Variants in ANKRD26 observed in about 807,000 individuals in gnomAD.
ANKRD26 encodes the protein ankyrin repeat domain 26.
Under a neutral mutation model 208.7 loss-of-function variants are expected in ANKRD26, and 141 were observed. The observed-to-expected ratio is 0.68, with a 90% CI of 0.59 to 0.78. ANKRD26 has a LOEUF of 0.78. Among genes scored for constraint, ANKRD26 ranks in the 30% least tolerant of loss-of-function variants. The pLI is 0.00. For missense variants in ANKRD26, 1,889 were observed against 1,938.7 expected (o/e 0.97, Z 0.48); for synonymous variants, 636 against 660.4 (o/e 0.96, Z 0.57).
chr10:26,949,230 C>G, the ANKRD26 span, among the ~76,000 whole-genome samples: 1 of 152,148 alleles, frequency 6.6e-6, no homozygotes, highest in East Asian at 1.9e-4. Flanking sequence ...CACCTCCACA[C>G]CCTTCCCCCA....
chr10:27,013,089 C>T lies in ANKRD26; in HGVS notation c.4746G>A (p.Glu1582=). The change falls in exon 32 of 34, where the codon GAG becomes GAA. Residue 1582 remains glutamate, a synonymous_variant. Transcript: ENST00000376087. ...KLTKTNERLA[E]VNTKLLVEKQ... ...TTTCCACAAGAAGTTTGGTGTTGAC[C>T]TCTGCTAGCCTCTCATTAGTTCTGT... 1 of 1,613,790 alleles carries T rather than the reference C, an allele frequency of 6.2e-7. No individual in the cohort carries two copies. Among genetic ancestry groups the T allele is most frequent in the East Asian group, 2.2e-5 (1 of 44,858 alleles).
chr10:26,983,354 A>AGGG (rs2052337068), intron 3 of ANKRD26, among the ~76,000 whole-genome samples: 1 of 152,182 alleles, frequency 6.6e-6, no homozygotes, highest in Non-Finnish European at 1.5e-5. Flanking sequence ...AGCATAACCT[A>AGGG]GGGAACATTG....
Position 27,043,543 on chromosome 10 carries a change from C to G in ANKRD26, c.2044G>C (p.Asp682His), listed in dbSNP as rs755256953. Residue 682 changes from aspartate (D) to histidine (H), a missense_variant, in exon 20 of 34, where the codon GAT (aspartate) becomes CAT (histidine). Around this residue, in one of 3 missense-constraint regions of ANKRD26, gnomAD observed 1,272 missense variants for 1,273.8 expected, o/e 1.00. Transcript: ENST00000376087. ...GACTGAGTTAAGTCATCAACATCAT[C>G]CATAGACTGTATTTGGTTTTTGACC... is the stretch of plus-strand genomic sequence containing the variant. Reference protein sequence around the residue: ...NKVKNQIQSMDDVDDLTQSSE... With the variant: ...NKVKNQIQSMHDVDDLTQSSE... 4 of 1,613,810 alleles carry G rather than the reference C, an allele frequency of 2.5e-6. No individual in the cohort carries two copies. The South Asian group carries it at 4.4e-5, about 18-fold the overall frequency.
the ANKRD26 span, among the ~76,000 whole-genome samples, chr10:26,966,777 G>A: frequency 3.3e-5 from 5 of 152,274 alleles, no homozygotes; most frequent in East Asian, 9.6e-4. Context: ...AAACACATAA[G>A]AAATCCTGTT....
Position 27,061,167 on chromosome 10 carries a change from A to G in ANKRD26, c.1439T>C (p.Val480Ala), listed in dbSNP as rs886046947. 1.9e-6 allele frequency: 3 copies of G among 1,612,068 alleles called. No individual in the cohort carries two copies. Among genetic ancestry groups the G allele is most frequent in the Non-Finnish European group, 2.5e-6 (3 of 1,178,556 alleles). Residue 480 changes from valine (V) to alanine (A), a missense_variant, in exon 13 of 34, where the codon GTA (valine) becomes GCA (alanine). Val to Ala is a moderately conservative substitution (Grantham distance 64). Transcript: ENST00000376087. ...KMAKLEDTRNVGMPVAHMESP... is the reference protein window; with the variant it reads ...KMAKLEDTRNAGMPVAHMESP... ...ACCCATGTGGGCTACTGGCATGCCT[A>G]CATTTCTTGTATCCTCTAGTTTAGC...
chr10:27,090,213 A>C (rs1395166535), intron 4 of ANKRD26, among the ~76,000 whole-genome samples: 1 of 152,126 alleles, frequency 6.6e-6, no homozygotes, highest in Non-Finnish European at 1.5e-5. Context: ...TGGGAGGCCA[A>C]AGCGGGTGGA....
downstream of ANKRD26, among the ~76,000 whole-genome samples, chr10:26,972,062 C>T (rs7095961): frequency 0.17 from 25,207 of 151,718 alleles, 4,171 homozygotes; most frequent in African/African-American, 0.42. Context: ...GGTGAAACCC[C>T]GTCTCTACTA....
At chr10:26,975,151 A>G (rs1394298378) in exon 6 of ANKRD26, among the ~76,000 whole-genome samples, 3 of 152,204 alleles carry the variant, frequency 2.0e-5, no homozygotes, top group Non-Finnish European at 4.4e-5. Flanking sequence ...TGACTCTTTA[A>G]CCAGAATGAC....
At chr10:26,958,446 C>T in the ANKRD26 span, among the ~76,000 whole-genome samples, 24 of 152,118 alleles carry the variant, frequency 1.6e-4, no homozygotes, top group African/African-American at 5.8e-4. Context: ...CTCTCCCTCC[C>T]CTTAACCCCC....
chr10:27,064,028 T>C lies in ANKRD26; in HGVS notation c.1323A>G (p.Ala441=), dbSNP rs369468997. 8.1e-6 allele frequency: 13 copies of C among 1,611,552 alleles called. No homozygotes were observed. The highest frequency in any genetic ancestry group is 1.0e-5 in the Non-Finnish European group (12 of 1,179,716). Residue 441 remains alanine, a synonymous_variant, in exon 12 of 34, where the codon GCA becomes GCG. Transcript: ENST00000376087. ...QKYVDPLAGA[A]DGKEKNIGNE... is the part of the protein sequence containing the mutation. The stretch of plus-strand genomic sequence containing the variant: ...TTCCTATATTTTTTTCTTTTCCGTC[T>C]GCAGCCCCAGCTAAAGGATCAACAT...
chr10:27,025,777 C>T (rs569166937), intron 27 of ANKRD26, among the ~76,000 whole-genome samples: 1 of 152,280 alleles, frequency 6.6e-6, no homozygotes, highest in Admixed American at 6.5e-5. Flanking sequence ...AATCTCAAGG[C>T]TTCATCCCAG....
rs746170296 is a variant in ANKRD26, at chr10:27,093,733, T to C, written c.309A>G (p.Lys103=). The change falls in exon 2 of 34, where the codon AAA becomes AAG. Residue 103 remains lysine, a synonymous_variant. Transcript: ENST00000376087. The stretch of plus-strand genomic sequence containing the variant: ...CGTTGTCACAGACATTGAGCTGGCA[T>C]TTTCTGTCCACCAGGAGAGTTACTA... ...PEVVTLLVDR[K]CQLNVCDNEN... is the part of the protein sequence containing the mutation. 7.4e-6 allele frequency: 12 copies of C among 1,614,238 alleles called. No individual in the cohort carries two copies. The South Asian group carries it at 1.2e-4, about 16-fold the overall frequency.
chr10:27,015,895 GTTA>G (rs2053272911), intron 30 of ANKRD26, among the ~76,000 whole-genome samples: 1 of 152,154 alleles, frequency 6.6e-6, no homozygotes, highest in South Asian at 2.1e-4. Flanking sequence ...ACAAACTCAT[GTTA>G]TTAAGTAGAT....
At chr10:26,952,121 A>G in the ANKRD26 span, among the ~76,000 whole-genome samples, 2 of 152,166 alleles carry the variant, frequency 1.3e-5, no homozygotes, top group Non-Finnish European at 2.9e-5. Flanking sequence ...AAATTATTCA[A>G]ACTAGCCAAT....
chr10:26,956,519 C>T, the ANKRD26 span, among the ~76,000 whole-genome samples: 1 of 152,008 alleles, frequency 6.6e-6, no homozygotes, highest in Non-Finnish European at 1.5e-5. Context: ...GTAATCGTAG[C>T]ACTTTGGGAG....
At chr10:27,041,944 A>T (rs539565423) in intron 20 of ANKRD26, among the ~76,000 whole-genome samples, 2 of 152,314 alleles carry the variant, frequency 1.3e-5, no homozygotes, top group East Asian at 3.9e-4. Flanking sequence ...ATTATACCAT[A>T]TATGATGTGG....
chr10:27,090,397 A>C (rs1200362394), intron 4 of ANKRD26, among the ~76,000 whole-genome samples: 1 of 151,676 alleles, frequency 6.6e-6, no homozygotes, highest in African/African-American at 2.4e-5. Context: ...CATCTCAAAA[A>C]ATAAATAAAT....
chr10:27,038,268 C>T (rs1347950938), intron 21 of ANKRD26, among the ~76,000 whole-genome samples: 1 of 152,144 alleles, frequency 6.6e-6, no homozygotes, highest in African/African-American at 2.4e-5. Flanking sequence ...GAACATTCTG[C>T]TAACTGGTAA....
intron 12 of ANKRD26, chr10:27,062,217 T>C: frequency 1.0e-6 from 1 of 978,716 alleles, no homozygotes; most frequent in Non-Finnish European, 1.2e-6. Flanking sequence ...ACAATAGTTA[T>C]CTTATATCTA....
Sources: allele counts gnomAD v4.1 joint callset (sites outside exome capture counted in the v4.1 genomes callset), GRCh38; gene constraint gnomAD v4.1.1; regional missense constraint gnomAD v4.1.1; transcripts MANE v1.5; gene names NCBI Gene and HGNC (gene_info 2026-07-23, HGNC 2026-07-21).